Variants in DCAKD observed in about 807,000 individuals in gnomAD.
DCAKD encodes the protein dephospho-CoA kinase domain-containing protein.
In DCAKD, 15 loss-of-function variants were observed where a neutral mutation model predicts 18.7. That is an observed-to-expected ratio of 0.80 (90% CI 0.54 to 1.24). DCAKD has a LOEUF of 1.24. Among genes scored for constraint, DCAKD ranks in the 50% most tolerant of loss-of-function variants. DCAKD has a pLI of 0.00. For synonymous variants in DCAKD, 130 were observed against 133.0 expected, an observed-to-expected ratio of 0.98 and a Z score of 0.16; for missense variants, 301 against 322.0, an observed-to-expected ratio of 0.93 and a Z score of 0.50.
intron 1 of DCAKD, among the ~76,000 whole-genome samples, chr17:45,049,713 CTTTTTTTT>C (rs57106886): frequency 6.5e-4 from 73 of 111,876 alleles, no homozygotes; most frequent in East Asian, 1.1e-3. Flanking sequence ...TTTTCTTTTC[CTTTTTTTT>C]TTTTTTTTTT....
chr17:45,033,199 A>AATAAC (rs1325191523), intron 3 of DCAKD, among the ~76,000 whole-genome samples: 15 of 152,072 alleles, frequency 9.9e-5, no homozygotes, highest in Admixed American at 6.6e-5. Context: ...AATAAAATAA[A>AATAAC]ATAAAATAAA....
chr17:45,049,390 C>T (rs1392196809), intron 1 of DCAKD, among the ~76,000 whole-genome samples: 1 of 151,884 alleles, frequency 6.6e-6, no homozygotes, highest in East Asian at 1.9e-4. Flanking sequence ...GTGACTGCCA[C>T]TGCACTCCAG....
chr17:45,055,472 C>A (rs1023127096), upstream of DCAKD, among the ~76,000 whole-genome samples: 4 of 152,036 alleles, frequency 2.6e-5, no homozygotes. Context: ...GCCTCCCAGG[C>A]TCAAGTGATC....
chr17:45,035,056 G>A (rs2053263510), intron 1 of DCAKD, 57 bp from the exon 2 acceptor site: 1 of 633,344 alleles, frequency 1.6e-6, no homozygotes, highest in Admixed American at 2.8e-5. Context: ...TTGGGAGAGA[G>A]GAGGCAAAGG....
chr17:45,042,923 C>CT (rs2053474700), intron 1 of DCAKD, among the ~76,000 whole-genome samples: 1 of 152,222 alleles, frequency 6.6e-6, no homozygotes, highest in Non-Finnish European at 1.5e-5. Flanking sequence ...CTCTTCTCTA[C>CT]TTGAGCACTC....
intron 1 of DCAKD, among the ~76,000 whole-genome samples, chr17:45,037,099 T>C (rs1432323016): frequency 6.6e-6 from 1 of 151,738 alleles, no homozygotes; most frequent in African/African-American, 2.4e-5. Flanking sequence ...AAGCCAGAGG[T>C]GGAGAGAGGA....
chr17:45,039,508 G>C (rs2053379575), intron 1 of DCAKD, among the ~76,000 whole-genome samples: 1 of 152,218 alleles, frequency 6.6e-6, no homozygotes. Context: ...CCAGAACCAT[G>C]GCTAAAATGA....
Position 45,034,202 on chromosome 17 carries a change from T to C in DCAKD, c.301A>G (p.Lys101Glu), listed in dbSNP as rs929980690. The C allele has an allele frequency of 2.0e-5, 33 of 1,613,002 alleles. No individual in the cohort carries two copies. The highest frequency in any genetic ancestry group is 2.7e-5 in the Non-Finnish European group (32 of 1,179,524). Reference sequence around the variant, plus strand: ...TGGCACTTACCCCGGAGGAAGTACTTGAACGTCTCCTTCATCATCTCCTTG... The same window carrying C: ...TGGCACTTACCCCGGAGGAAGTACTCGAACGTCTCCTTCATCATCTCCTTG... The part of the protein sequence containing the change: ...IRKEMMKETF[K>E]YFLRGYRYVI... Residue 101 changes from lysine (K) to glutamate (E), a missense_variant, in exon 3 of 5, where the codon AAG (lysine) becomes GAG (glutamate). Transcript: ENST00000651974.
chr17:45,049,530 G>A, intron 1 of DCAKD, among the ~76,000 whole-genome samples: 1 of 150,420 alleles, frequency 6.6e-6, no homozygotes. Context: ...CAAATCAAAT[G>A]GTGTATATTT....
intron 4 of DCAKD, 109 bp from the exon 5 acceptor site, chr17:45,024,833 G>C (rs1027569086): frequency 7.4e-7 from 1 of 1,346,890 alleles, no homozygotes; most frequent in Admixed American, 2.6e-5. Context: ...ATGGGGACTG[G>C]ATCTTCCCTC....
chr17:45,024,340 G>C lies in DCAKD; in HGVS notation c.*93C>G. 1.5e-5 allele frequency: 2 copies of C among 133,956 alleles called. No individual in the cohort carries two copies. The highest frequency in any genetic ancestry group is 5.2e-4 in the Admixed American group (2 of 3,814). The allele number at this position is 133,956 out of a possible 1,614,324, so 8.3% of individuals were successfully genotyped here. Reference sequence around the variant, plus strand: ...GTGTGTGTGTGTGTGTGTGTGTGTGGGGAGGGGGCTGAGAGGAAACAGGAT... The same window carrying C: ...GTGTGTGTGTGTGTGTGTGTGTGTGCGGAGGGGGCTGAGAGGAAACAGGAT... On this transcript the variant is annotated 3_prime_UTR_variant, in exon 5 of 5. Transcript: ENST00000651974.
At chr17:45,048,748 G>A (rs759438564) in intron 1 of DCAKD, among the ~76,000 whole-genome samples, 2 of 152,146 alleles carry the variant, frequency 1.3e-5, no homozygotes, top group Non-Finnish European at 2.9e-5. Context: ...AGAGGCTGCA[G>A]TGAGCCAAGA....
intron 1 of DCAKD, among the ~76,000 whole-genome samples, chr17:45,039,913 C>T (rs970405886): frequency 5.3e-5 from 8 of 150,906 alleles, no homozygotes; most frequent in Non-Finnish European, 1.0e-4. Flanking sequence ...GCCAACATGG[C>T]GAAACCCCAT....
chr17:45,024,536 C>T lies in DCAKD; in HGVS notation c.593G>A (p.Arg198His), dbSNP rs376881252. 52 of 1,613,990 alleles carry T rather than the reference C, an allele frequency of 3.2e-5. No homozygotes were observed. The highest frequency in any genetic ancestry group is 2.7e-4 in the African/African-American group (20 of 74,908). ...QVILLHTELE[R>H]SLEYLPLRFG... ...CCTCAGCGGCAGGTACTCCAGGGAGCGCTCCAGCTCAGTGTGCAAGAGGAT... is the reference window on the plus strand; with the variant it reads ...CCTCAGCGGCAGGTACTCCAGGGAGTGCTCCAGCTCAGTGTGCAAGAGGAT... The change falls in exon 5 of 5, where the codon CGC becomes CAC. Residue 198 changes from arginine (R) to histidine (H), a missense_variant. Coordinates refer to ENST00000651974, the MANE Select transcript of DCAKD (RefSeq NM_001288655.2).
chr17:45,054,272 G>C (rs1328920702), upstream of DCAKD, among the ~76,000 whole-genome samples: 2 of 149,938 alleles, frequency 1.3e-5, no homozygotes, highest in African/African-American at 5.0e-5. Flanking sequence ...TTTTGAGACA[G>C]AGTCTGGCTC....
At chr17:45,046,508 C>T (rs1052093254) in intron 1 of DCAKD, among the ~76,000 whole-genome samples, 44 of 144,288 alleles carry the variant, frequency 3.0e-4, no homozygotes, top group African/African-American at 1.1e-3. Context: ...CCCAGCTACT[C>T]GGGAGGCTGA....
intron 3 of DCAKD, chr17:45,033,853 G>A (rs1056306464): frequency 2.4e-6 from 3 of 1,248,454 alleles, no homozygotes; most frequent in Middle Eastern, 2.2e-4. Flanking sequence ...AGAAAGTCAG[G>A]GTTGGGATTT....
intron 3 of DCAKD, among the ~76,000 whole-genome samples, chr17:45,032,323 G>T (rs1016746480): frequency 1.3e-5 from 2 of 152,126 alleles, no homozygotes; most frequent in Non-Finnish European, 2.9e-5. Flanking sequence ...GAGAAGATGC[G>T]GGAGCCAGCT....
chr17:45,047,242 C>G (rs1024908669), intron 1 of DCAKD, among the ~76,000 whole-genome samples: 3 of 151,166 alleles, frequency 2.0e-5, no homozygotes, highest in African/African-American at 7.3e-5. Context: ...AGTAAATATA[C>G]AAATAAACAT....
Sources: allele counts gnomAD v4.1 joint callset (sites outside exome capture counted in the v4.1 genomes callset), GRCh38; gene constraint gnomAD v4.1.1; transcripts MANE v1.5; gene names NCBI Gene and HGNC (gene_info 2026-07-23, HGNC 2026-07-21).